FRAS1: variants seen among roughly 807,000 people sequenced by gnomAD.
The protein encoded by FRAS1 is Fraser extracellular matrix complex subunit 1, also known as extracellular matrix organizing protein FRAS1.
Under a neutral mutation model 435.2 loss-of-function variants are expected in FRAS1, and 290 were observed. That is an observed-to-expected ratio of 0.67 (90% CI 0.61 to 0.73). FRAS1 has a LOEUF of 0.73. Ranked by LOEUF, FRAS1 falls within the 30% of genes least tolerant of loss-of-function variation. The probability of loss-of-function intolerance (pLI) is 0.00; values close to 1 mark genes in which losing one functional copy is unlikely to be tolerated. For missense variants in FRAS1, 4,860 were observed against 5,001.5 expected, an observed-to-expected ratio of 0.97 and a Z score of 0.85; for synonymous variants, 1,800 against 1,851.0, an observed-to-expected ratio of 0.97 and a Z score of 0.71.
At chr4:78,233,259 C>T (rs1724591883) in intron 2 of FRAS1, among the ~76,000 whole-genome samples, 1 of 152,204 alleles carries the variant, frequency 6.6e-6, no homozygotes. Context: ...GCGTGGCCAA[C>T]CAATGTCTGG....
rs151178426 is a variant in FRAS1 at position 78,272,192 on chromosome 4, A to G, written c.981+4760A>G. Reference sequence around the variant, plus strand: ...TTTCTTGTAAATTTGTTTGAGTTCTATGTAGATTCTGGATATTAGCCCTTT... The same window carrying G: ...TTTCTTGTAAATTTGTTTGAGTTCTGTGTAGATTCTGGATATTAGCCCTTT... On this transcript the variant is annotated intron_variant, in intron 9 of 73. Transcript: ENST00000512123. 3.6e-3 allele frequency among the ~76,000 whole-genome samples: 541 copies of G among 151,848 alleles called. 2 individuals are homozygous for G. Among genetic ancestry groups the G allele is most frequent in the African/African-American group, 0.012 (511 of 41,448 alleles).
intron 14 of FRAS1, among the ~76,000 whole-genome samples, chr4:78,296,777 C>T (rs535151759): frequency 7.5e-4 from 114 of 152,262 alleles, no homozygotes; most frequent in Non-Finnish European, 1.4e-3. Flanking sequence ...TCTTGTGTTG[C>T]ACTTTAATTT....
intron 12 of FRAS1, among the ~76,000 whole-genome samples, 162 bp from the exon 13 acceptor site, chr4:78,284,243 T>TTTTTC (rs1727469483): frequency 6.7e-6 from 1 of 149,260 alleles, no homozygotes; most frequent in Admixed American, 6.7e-5. Flanking sequence ...TTTTTTTTTT[T>TTTTTC]TTTTTTTTTG....
intron 47 of FRAS1, among the ~76,000 whole-genome samples, chr4:78,458,941 A>G (rs1055549692): frequency 3.3e-5 from 5 of 152,242 alleles, no homozygotes; most frequent in African/African-American, 9.6e-5. Context: ...AACAACAAAA[A>G]AAGAAAGCAA....
At chr4:78,241,632 TAGG>T (rs1400281732) in intron 3 of FRAS1, among the ~76,000 whole-genome samples, 2 of 151,698 alleles carry the variant, frequency 1.3e-5, no homozygotes, top group Non-Finnish European at 2.9e-5. Context: ...ATAACATGAA[TAGG>T]AGAATGGGAG....
chr4:78,187,602 T>C (rs1722327181), intron 2 of FRAS1, among the ~76,000 whole-genome samples: 1 of 152,128 alleles, frequency 6.6e-6, no homozygotes, highest in Non-Finnish European at 1.5e-5. Flanking sequence ...GCTATCCTTT[T>C]TTTTTCTTTT....
At position 78,537,000 on chromosome 4, in the gene FRAS1, A is replaced by T; in HGVS notation, c.11098A>T (p.Ile3700Phe). The change falls in exon 72 of 74, where the codon ATC becomes TTC. Residue 3700 changes from isoleucine to phenylalanine, a missense_variant. Coordinates refer to ENST00000512123, the MANE Select transcript of FRAS1 (RefSeq NM_025074.7). Reference protein sequence around the residue: ...DYKGAFSKGQILYGRVLWNPE... With the variant: ...DYKGAFSKGQFLYGRVLWNPE... ...ATACCTTTCAATCTTTTCAGGTCAA[A>T]TCCTTTATGGCCGAGTACTTTGGAA... 7 of 1,613,684 alleles carry T rather than the reference A, an allele frequency of 4.3e-6. No individual in the cohort carries two copies. The highest frequency in any genetic ancestry group is 5.1e-6 in the Non-Finnish European group (6 of 1,179,696).
chr4:78,284,376 G>A, intron 12 of FRAS1, 29 bp from the exon 13 acceptor site: 1 of 1,611,938 alleles, frequency 6.2e-7, no homozygotes, highest in Admixed American at 1.7e-5. Context: ...AGTTCACAGA[G>A]TTCTCCCCTT....
chr4:78,128,947 G>A (rs1719530635), intron 2 of FRAS1, among the ~76,000 whole-genome samples: 1 of 152,122 alleles, frequency 6.6e-6, no homozygotes, highest in Non-Finnish European at 1.5e-5. Flanking sequence ...TGTAAGGAAG[G>A]GATCCAGTTT....
At chr4:78,375,564 C>G (rs1310680724) in intron 25 of FRAS1, among the ~76,000 whole-genome samples, 175 bp from the exon 26 acceptor site, 1 of 152,124 alleles carries the variant, frequency 6.6e-6, no homozygotes, top group African/African-American at 2.4e-5. Flanking sequence ...AGGAGTGTTC[C>G]TCTCTGTAGA....
chr4:78,451,540 G>A (rs1006196434), intron 45 of FRAS1, among the ~76,000 whole-genome samples: 2 of 152,228 alleles, frequency 1.3e-5, no homozygotes, highest in Non-Finnish European at 2.9e-5. Context: ...CATGAGAAAT[G>A]TCACTTGGGG....
chr4:78,092,001 G>GA (rs1381398740), intron 2 of FRAS1, among the ~76,000 whole-genome samples: 27 of 133,420 alleles, frequency 2.0e-4, no homozygotes, highest in African/African-American at 6.1e-4. Flanking sequence ...AAAAAAAAAG[G>GA]AAAAAAACAA....
intron 2 of FRAS1, among the ~76,000 whole-genome samples, chr4:78,229,172 A>G (rs1296770195): frequency 7.2e-5 from 11 of 152,346 alleles, no homozygotes; most frequent in East Asian, 5.8e-4. Context: ...TTGGGACATT[A>G]CTTAACCTCT....
intron 2 of FRAS1, among the ~76,000 whole-genome samples, chr4:78,128,666 A>C (rs182195760): frequency 6.5e-4 from 99 of 152,242 alleles, no homozygotes; most frequent in Admixed American, 3.5e-3. Flanking sequence ...CCTTTGTCAG[A>C]TGAGTAGATT....
chr4:78,186,498 A>G (rs1159469329), intron 2 of FRAS1, among the ~76,000 whole-genome samples: 1 of 152,162 alleles, frequency 6.6e-6, no homozygotes, highest in Non-Finnish European at 1.5e-5. Flanking sequence ...GCTTATTAGC[A>G]TTTGCCAGGT....
At chr4:78,464,225 G>T in intron 48 of FRAS1, 80 bp downstream of exon 48, 1 of 1,501,064 alleles carries the variant, frequency 6.7e-7, no homozygotes. Context: ...CAGAGTGACT[G>T]GTGAGAGAAG....
intron 29 of FRAS1, among the ~76,000 whole-genome samples, chr4:78,394,058 T>C (rs1363899837): frequency 6.6e-6 from 1 of 152,012 alleles, no homozygotes; most frequent in Non-Finnish European, 1.5e-5. Flanking sequence ...TTTTAAATTA[T>C]TTGAATTTTT....
chr4:78,097,706 C>T (rs1741881925), intron 2 of FRAS1, among the ~76,000 whole-genome samples: 1 of 152,222 alleles, frequency 6.6e-6, no homozygotes, highest in African/African-American at 2.4e-5. Context: ...TCAGTTATCT[C>T]CACTGGGTGC....
chr4:78,308,003 A>G, intron 14 of FRAS1, 63 bp from the exon 15 acceptor site: 2 of 1,493,306 alleles, frequency 1.3e-6, no homozygotes. Flanking sequence ...AATATTTAAA[A>G]GAAAAATGAT....
Sources: allele counts gnomAD v4.1 joint callset (sites outside exome capture counted in the v4.1 genomes callset), GRCh38; gene constraint gnomAD v4.1.1; transcripts MANE v1.5; gene names NCBI Gene and HGNC (gene_info 2026-07-23, HGNC 2026-07-21).